ZNF638: variants seen among roughly 807,000 people sequenced by gnomAD.
ZNF638 encodes zinc finger protein 638, also known as CTCL tumor antigen se33-1.
A neutral mutation model predicts 195.6 loss-of-function variants in ZNF638; 46 were observed. The ratio of observed to expected loss-of-function variants is 0.24; its 90% CI spans 0.19 to 0.30. The LOEUF (loss-of-function observed/expected upper bound fraction) is 0.30. ZNF638 is among the 10% of genes least tolerant of loss of function. The probability of loss-of-function intolerance (pLI) is 1.00; values close to 1 mark genes in which losing one functional copy is unlikely to be tolerated. For synonymous variants in ZNF638, 845 were observed against 772.0 expected, an observed-to-expected ratio of 1.09 and a Z score of -1.57; for missense variants, 2,440 against 2,325.3, an observed-to-expected ratio of 1.05 and a Z score of -1.01.
chr2:71,412,160 T>C lies in ZNF638; in HGVS notation c.3261+3913T>C, dbSNP rs1322880124. Among the ~76,000 whole-genome samples the C allele has an allele frequency of 5.3e-5, 3 of 56,086 alleles. No homozygotes were observed. In the Admixed American group the frequency reaches 7.1e-4, roughly 13 times the overall value. The allele number at this position is 56,086 out of a possible 152,430, so 36.8% of individuals were successfully genotyped here. A position where few individuals can be genotyped will look rare whatever the true frequency, so the allele number is the denominator to read the frequency against. On this transcript the variant is annotated intron_variant, in intron 20 of 27. Coordinates refer to ENST00000264447, the MANE Select transcript of ZNF638 (RefSeq NM_014497.5). ...CGGTTGTTTCCTGACTTTTTAATGATTGCCATTCTAACTGGTGTGAGATGA... is the reference window on the plus strand; with the variant it reads ...CGGTTGTTTCCTGACTTTTTAATGACTGCCATTCTAACTGGTGTGAGATGA...
At position 71,396,819 on chromosome 2, in the gene ZNF638, C is replaced by G. The variant is rs529419820; in HGVS notation, c.2428+628C>G. On this transcript the variant is annotated intron_variant, in intron 11 of 27. Transcript: ENST00000264447. ...AAACTAGCCAGGCACCAGTGATGCA[C>G]GCCTGTAATCTCAGCTACTGGGAAG... Among the ~76,000 whole-genome samples the G allele has an allele frequency of 3.9e-5, 6 of 152,214 alleles. No individual in the cohort carries two copies. In the East Asian group the frequency reaches 5.8e-4, roughly 15 times the overall value.
intron 1 of ZNF638, among the ~76,000 whole-genome samples, chr2:71,336,978 A>G (rs1038386794): frequency 6.6e-6 from 1 of 152,216 alleles, no homozygotes; most frequent in Non-Finnish European, 1.5e-5. Context: ...AAATTTCCCC[A>G]AAGATTAGAT....
rs796647641 is a variant in ZNF638, at chr2:71,434,659, TTATAAA to T, written c.5872-78_5872-73del. 56 of 1,141,602 alleles carry T rather than the reference TTATAAA, an allele frequency of 4.9e-5. 1 individual carries two copies. In the African/African-American group the frequency reaches 6.7e-4, roughly 14 times the overall value. The allele number at this position is 1,141,602 out of a possible 1,614,324, so 70.7% of individuals were successfully genotyped here. A position where few individuals can be genotyped will look rare whatever the true frequency, so the allele number is the denominator to read the frequency against. On this transcript the variant is annotated intron_variant, in intron 27 of 27. Coordinates refer to ENST00000264447, the MANE Select transcript of ZNF638 (RefSeq NM_014497.5). ...TTTTGTAGGATCAGTTTCTTTTAAA[TTATAAA>T]TATACAGTAGATAAGTTTGCACACA...
rs77437472 is a variant in ZNF638, at chr2:71,368,451, A to G, written c.2065A>G (p.Thr689Ala). The G allele has an allele frequency of 4.0e-5, 64 of 1,613,664 alleles. 1 individual carries two copies. The highest frequency in any genetic ancestry group is 5.3e-5 in the Non-Finnish European group (63 of 1,179,728). Residue 689 changes from threonine to alanine, a missense_variant, in exon 7 of 28, where the codon ACT (threonine) becomes GCT (alanine). Coordinates refer to ENST00000264447, the MANE Select transcript of ZNF638 (RefSeq NM_014497.5). Reference sequence around the variant, plus strand: ...AACTGAATTACCAGAGGATGGTTGTACTGAAGAAGATGTGAGAAAATTATT... The same window carrying G: ...AACTGAATTACCAGAGGATGGTTGTGCTGAAGAAGATGTGAGAAAATTATT... ...LITELPEDGC[T>A]EEDVRKLFQP...
intron 20 of ZNF638, among the ~76,000 whole-genome samples, chr2:71,410,474 G>A (rs2080192065): frequency 6.6e-6 from 1 of 152,080 alleles, no homozygotes. Flanking sequence ...GCCTTCCAAA[G>A]TGTTGGAGTT....
chr2:71,396,138 T>C lies in ZNF638; in HGVS notation c.2378-3T>C, dbSNP rs1464879336. The C allele has an allele frequency of 6.2e-7, 1 of 1,612,348 alleles. No homozygotes were observed. The highest frequency in any genetic ancestry group is 1.3e-5 in the African/African-American group (1 of 74,828). On this transcript the variant is annotated splice_polypyrimidine_tract_variant and splice_region_variant and intron_variant, in intron 10 of 27. Coordinates refer to ENST00000264447, the MANE Select transcript of ZNF638 (RefSeq NM_014497.5). ...TACTTAAATGTTTTTCTTGTTGTTT[T>C]AGCCAAAACTGGACAAGCCAAGGCA...
chr2:71,416,973 G>A (rs1438299743), intron 20 of ZNF638, among the ~76,000 whole-genome samples: 2 of 150,850 alleles, frequency 1.3e-5, no homozygotes, highest in African/African-American at 2.4e-5. Context: ...TACAGAGGCA[G>A]GCAGGCCTCC....
At chr2:71,401,679 TAA>T (rs1230399601) in intron 15 of ZNF638, among the ~76,000 whole-genome samples, 1 of 140,350 alleles carries the variant, frequency 7.1e-6, no homozygotes, top group African/African-American at 2.6e-5. Flanking sequence ...AGAGCAAGAC[TAA>T]AAAAAAAAAA....
intron 10 of ZNF638, chr2:71,388,294 T>G (rs1436481616): frequency 2.5e-6 from 1 of 405,940 alleles, no homozygotes; most frequent in East Asian, 5.9e-5. Context: ...TTTATTTACT[T>G]TTGCCGACCT....
At position 71,350,279 on chromosome 2, in the gene ZNF638, T is replaced by G; in HGVS notation, c.1317+8T>G. 6.3e-7 allele frequency: 1 copy of G among 1,594,180 alleles called. No homozygotes were observed. The highest frequency in any genetic ancestry group is 8.5e-7 in the Non-Finnish European group (1 of 1,176,666). ...GAATGTAGTCATTTGAAGGTGAGTG[T>G]TTTTAAAAAAAGATCACTGTATAAT... On this transcript the variant is annotated splice_region_variant and intron_variant, in intron 2 of 27. Transcript: ENST00000264447.
At chr2:71,359,397 C>A (rs987632414) in intron 3 of ZNF638, among the ~76,000 whole-genome samples, 1 of 152,172 alleles carries the variant, frequency 6.6e-6, no homozygotes, top group Non-Finnish European at 1.5e-5. Flanking sequence ...AAGGGCATCC[C>A]GCTCTGAGGG....
intron 1 of ZNF638, among the ~76,000 whole-genome samples, chr2:71,336,643 CTGT>C (rs956313276): frequency 1.3e-5 from 2 of 152,140 alleles, no homozygotes; most frequent in African/African-American, 4.8e-5. Flanking sequence ...CCAATGGGTA[CTGT>C]TGTTTCATTT....
At chr2:71,366,020 T>G (rs2079192708) in intron 6 of ZNF638, among the ~76,000 whole-genome samples, 2 of 152,196 alleles carry the variant, frequency 1.3e-5, no homozygotes, top group Non-Finnish European at 2.9e-5. Context: ...AATTCTTTGT[T>G]AGTGCAAATA....
chr2:71,369,245 C>T (rs1346308078), intron 7 of ZNF638, among the ~76,000 whole-genome samples: 1 of 150,738 alleles, frequency 6.6e-6, no homozygotes, highest in East Asian at 1.9e-4. Flanking sequence ...ATCTCTTGAA[C>T]CCGGGAGGCA....
intron 25 of ZNF638, among the ~76,000 whole-genome samples, chr2:71,430,575 C>G (rs2080637491): frequency 6.6e-6 from 1 of 152,178 alleles, no homozygotes; most frequent in Non-Finnish European, 1.5e-5. Context: ...TTGGGCATAT[C>G]TGTTTATTAC....
At position 71,400,536 on chromosome 2, in the gene ZNF638, AT is replaced by A; in HGVS notation, c.2697+21del. 1 of 1,588,566 alleles carries A rather than the reference AT, an allele frequency of 6.3e-7. No individual in the cohort carries two copies. The highest frequency in any genetic ancestry group is 8.6e-7 in the Non-Finnish European group (1 of 1,169,236). Reference sequence around the variant, plus strand: ...TTAACAAGGTCAGTTTTCATGTTTTATTTATTTCTTTAAAGCTCAAGACATT... The same window carrying A: ...TTAACAAGGTCAGTTTTCATGTTTTATTATTTCTTTAAAGCTCAAGACATT... On this transcript the variant is annotated intron_variant, in intron 15 of 27. Coordinates refer to ENST00000264447, the MANE Select transcript of ZNF638 (RefSeq NM_014497.5).
At chr2:71,336,792 C>A (rs1341412071) in intron 1 of ZNF638, among the ~76,000 whole-genome samples, 2 of 152,142 alleles carry the variant, frequency 1.3e-5, no homozygotes, top group East Asian at 3.9e-4. Flanking sequence ...TGTTAGCAAG[C>A]AGCAGGACCA....
At position 71,426,637 on chromosome 2, in the gene ZNF638, C is replaced by T. The variant is rs769843953; in HGVS notation, c.4768C>T (p.Arg1590Cys). 9.3e-6 allele frequency: 15 copies of T among 1,614,034 alleles called. No individual in the cohort carries two copies. The highest frequency in any genetic ancestry group is 8.9e-5 in the East Asian group (4 of 44,888). Residue 1590 changes from arginine to cysteine, a missense_variant, in exon 24 of 28, where the codon CGT becomes TGT. By Grantham distance (180) the Arg-to-Cys change is radical (BLOSUM62 -3). Transcript: ENST00000264447. Reference sequence around the variant, plus strand: ...GAAAAAGGGGAAAACTTCCACTCCTCGTGGTGTTGAGGGAGAACTATCTTT... The same window carrying T: ...GAAAAAGGGGAAAACTTCCACTCCTTGTGGTGTTGAGGGAGAACTATCTTT... ...KKKKGKTSTP[R>C]GVEGELSFVT...
chr2:71,334,506 T>G (rs556793711), intron 1 of ZNF638: 33 of 152,356 alleles, frequency 2.2e-4, no homozygotes, highest in African/African-American at 7.7e-4. Flanking sequence ...TTTAGTGTTT[T>G]GAAATTTGTG....
Sources: gnomAD v4.1 joint callset for allele counts (sites outside exome capture counted in the v4.1 genomes callset) on GRCh38, gnomAD v4.1.1 for gene constraint, MANE v1.5 for transcripts, NCBI Gene and HGNC (gene_info 2026-07-23, HGNC 2026-07-21) for gene names.